The following GK5 variants were observed in gnomAD, a reference collection of about 807,000 sequenced individuals.
The protein encoded by GK5 is glycerol kinase 5.
Under a neutral mutation model 77.3 loss-of-function variants are expected in GK5, and 39 were observed. The observed-to-expected ratio is 0.50, with a 90% CI of 0.39 to 0.66. The LOEUF (loss-of-function observed/expected upper bound fraction) is 0.66. Ranked by LOEUF, GK5 falls within the 30% of genes least tolerant of loss-of-function variation. GK5 has a pLI of 0.00. For missense variants in GK5, 487 were observed against 633.8 expected, an observed-to-expected ratio of 0.77 and a Z score of 2.49; for synonymous variants, 211 against 208.0, an observed-to-expected ratio of 1.01 and a Z score of -0.13.
chr3:142,205,096 G>A (rs893539117), intron 3 of GK5, among the ~76,000 whole-genome samples: 14 of 152,098 alleles, frequency 9.2e-5, no homozygotes, highest in African/African-American at 3.4e-4. Context: ...CCCCTTTACT[G>A]CACTTGTCCT....
intron 5 of GK5, among the ~76,000 whole-genome samples, chr3:142,194,116 G>A (rs757298929): frequency 3.3e-5 from 5 of 152,066 alleles, no homozygotes; most frequent in East Asian, 1.9e-4. Context: ...TGTGTGCGGC[G>A]GGTCACACCT....
At position 142,177,857 on chromosome 3, in the gene GK5, C is replaced by CT. The variant is rs370889965; in HGVS notation, c.1049-282dup. On this transcript the variant is annotated intron_variant, in intron 11 of 15. Transcript: ENST00000392993. ...ATGCAGCAGGACTTACGTTTTTTTTCTTTTTTTTTTTTTTTTTTGAGACGG... is the reference window on the plus strand; with the variant it reads ...ATGCAGCAGGACTTACGTTTTTTTTCTTTTTTTTTTTTTTTTTTTGAGACGG... Among the ~76,000 whole-genome samples the CT allele has an allele frequency of 7.7e-3, 989 of 128,176 alleles. 12 individuals are homozygous for CT. Among genetic ancestry groups the CT allele is most frequent in the African/African-American group, 0.017 (588 of 33,694 alleles). 84.1% of individuals were successfully genotyped at this position (128,176 alleles called of 152,430 possible).
In GK5 at chr3:142,187,789, A is replaced by G. The variant is rs772384843; in HGVS notation, c.544-10T>C. 4 of 1,606,404 alleles carry G rather than the reference A, an allele frequency of 2.5e-6. No homozygotes were observed. The highest frequency in any genetic ancestry group is 2.6e-6 in the Non-Finnish European group (3 of 1,175,748). On this transcript the variant is annotated splice_polypyrimidine_tract_variant and intron_variant, in intron 5 of 15. Coordinates refer to ENST00000392993, the MANE Select transcript of GK5 (RefSeq NM_001039547.3). ...CAACTGCCTTTTGCACCTTGAAAACACAACAGCACAAAATCGATTCAAAAA... is the reference window on the plus strand; with the variant it reads ...CAACTGCCTTTTGCACCTTGAAAACGCAACAGCACAAAATCGATTCAAAAA...
chr3:142,204,624 A>G (rs753679469), intron 4 of GK5, 71 bp downstream of exon 4: 1 of 872,802 alleles, frequency 1.1e-6, no homozygotes, highest in African/African-American at 1.6e-5. Flanking sequence ...TAGGTAGGAA[A>G]TAATACAATT....
intron 5 of GK5, among the ~76,000 whole-genome samples, chr3:142,189,423 C>T (rs2063818179): frequency 6.6e-6 from 1 of 152,068 alleles, no homozygotes; most frequent in Non-Finnish European, 1.5e-5. Context: ...ATATGGAGCG[C>T]CTTCAAGTAT....
chr3:142,182,665 G>A (rs1053304719), intron 10 of GK5, among the ~76,000 whole-genome samples: 1 of 152,040 alleles, frequency 6.6e-6, no homozygotes, highest in African/African-American at 2.4e-5. Flanking sequence ...AAGGAGTTTT[G>A]AACAAATACA....
rs2063392143 is a variant in GK5 at position 142,157,561 on chromosome 3, C to T, written c.*8061G>A. 6.6e-6 allele frequency: 1 copy of T among 152,194 alleles called. No homozygotes were observed. Among genetic ancestry groups the T allele is most frequent in the South Asian group, 2.1e-4 (1 of 4,836 alleles). The allele number at this position is 152,194 out of a possible 1,614,324, so 9.4% of individuals were successfully genotyped here. A position where few individuals can be genotyped will look rare whatever the true frequency, so the allele number is the denominator to read the frequency against. ...AAAATGGCTTTAATATACCAACGTACAGATTATTCAGTTCCATTGTAATTT... is the reference window on the plus strand; with the variant it reads ...AAAATGGCTTTAATATACCAACGTATAGATTATTCAGTTCCATTGTAATTT... On this transcript the variant is annotated 3_prime_UTR_variant, in exon 16 of 16. Coordinates refer to ENST00000392993, the MANE Select transcript of GK5 (RefSeq NM_001039547.3).
intron 5 of GK5, among the ~76,000 whole-genome samples, chr3:142,198,409 G>C (rs1235342280): frequency 6.6e-6 from 1 of 151,934 alleles, no homozygotes; most frequent in African/African-American, 2.4e-5. Flanking sequence ...GGTCAGGAGT[G>C]TGTGACCAGC....
At chr3:142,215,953 T>C (rs1364453152) in intron 1 of GK5, among the ~76,000 whole-genome samples, 2 of 152,160 alleles carry the variant, frequency 1.3e-5, no homozygotes, top group African/African-American at 4.8e-5. Context: ...TACAAGAAGG[T>C]GTGTTTTTAA....
chr3:142,198,188 G>C (rs1164683685), intron 5 of GK5, among the ~76,000 whole-genome samples: 1 of 151,910 alleles, frequency 6.6e-6, no homozygotes, highest in African/African-American at 2.4e-5. Context: ...AATAAACTAT[G>C]GTAAAATCAT....
chr3:142,207,645 C>T (rs962799850), intron 3 of GK5, among the ~76,000 whole-genome samples: 1 of 152,158 alleles, frequency 6.6e-6, no homozygotes, highest in Non-Finnish European at 1.5e-5. Flanking sequence ...CACTAACCTA[C>T]CCCCGCCCTC....
intron 14 of GK5, 90 bp downstream of exon 14, chr3:142,171,318 TGAATTATTCAG>T: frequency 2.9e-6 from 3 of 1,033,286 alleles, no homozygotes; most frequent in Non-Finnish European, 3.9e-6. Context: ...ATCATAAAGA[TGAATTATTCAG>T]GATCTAAAAA....
intron 3 of GK5, among the ~76,000 whole-genome samples, chr3:142,206,855 T>G (rs2107792863): frequency 6.6e-6 from 1 of 152,344 alleles, no homozygotes; most frequent in South Asian, 2.1e-4. Flanking sequence ...TGTTCACGTG[T>G]AAAATTGGAA....
At chr3:142,180,800 G>A (rs1256610603) in intron 11 of GK5, among the ~76,000 whole-genome samples, 1 of 152,056 alleles carries the variant, frequency 6.6e-6, no homozygotes, top group Non-Finnish European at 1.5e-5. Context: ...AAGGTACCAG[G>A]GAGATTACTG....
At chr3:142,171,066 T>C (rs2063530091) in intron 14 of GK5, among the ~76,000 whole-genome samples, 1 of 151,970 alleles carries the variant, frequency 6.6e-6, no homozygotes, top group Non-Finnish European at 1.5e-5. Flanking sequence ...CCATCATTAC[T>C]AAAAATACAA....
At chr3:142,179,191 C>T (rs1004258856) in intron 11 of GK5, among the ~76,000 whole-genome samples, 5 of 152,112 alleles carry the variant, frequency 3.3e-5, no homozygotes, top group Non-Finnish European at 7.4e-5. Flanking sequence ...TGTTATATAA[C>T]TAAATTAATA....
chr3:142,174,728 T>TA (rs2063584261), intron 12 of GK5, among the ~76,000 whole-genome samples: 2 of 152,138 alleles, frequency 1.3e-5, no homozygotes, highest in African/African-American at 4.8e-5. Flanking sequence ...GCTCTAGTCC[T>TA]AATGCCATCA....
chr3:142,198,701 T>A, intron 5 of GK5, 101 bp downstream of exon 5: 1 of 1,039,370 alleles, frequency 9.6e-7, no homozygotes, highest in Non-Finnish European at 1.4e-6. Flanking sequence ...CCTCAAATAA[T>A]CAAATTACTA....
At chr3:142,219,037 A>T (rs984805512) in intron 1 of GK5, among the ~76,000 whole-genome samples, 3 of 152,368 alleles carry the variant, frequency 2.0e-5, no homozygotes, top group African/African-American at 7.2e-5. Flanking sequence ...AGTCAAATCA[A>T]ATAAGTTTTA....
Sources: allele counts gnomAD v4.1 joint callset (sites outside exome capture counted in the v4.1 genomes callset), GRCh38; gene constraint gnomAD v4.1.1; transcripts MANE v1.5; gene names NCBI Gene and HGNC (gene_info 2026-07-23, HGNC 2026-07-21).